Variants in DNAH6 observed in about 807,000 individuals in gnomAD.
DNAH6 encodes the protein dynein axonemal heavy chain 6.
A neutral mutation model predicts 491.4 loss-of-function variants in DNAH6; 340 were observed. The ratio of observed to expected loss-of-function variants is 0.69; its 90% CI spans 0.63 to 0.76. The LOEUF (loss-of-function observed/expected upper bound fraction) is 0.76, where lower values mean the gene tolerates loss of function less well. Among genes scored for constraint, DNAH6 ranks in the 30% least tolerant of loss-of-function variants. DNAH6 has a pLI of 0.00. For synonymous variants in DNAH6, 1,603 were observed against 1,686.1 expected (o/e 0.95, Z 1.21); for missense variants, 4,443 against 4,972.2 (o/e 0.89, Z 3.20).
At chr2:84,552,265 T>G (rs1021073713) in intron 9 of DNAH6, among the ~76,000 whole-genome samples, 2 of 152,146 alleles carry the variant, frequency 1.3e-5, no homozygotes, top group Non-Finnish European at 2.9e-5. Context: ...GCCTACTAGC[T>G]AGTATGATCT....
At position 84,525,668 on chromosome 2, in the gene DNAH6, T is replaced by C; in HGVS notation, c.329T>C (p.Ile110Thr). 1.3e-6 allele frequency: 2 copies of C among 1,550,284 alleles called. No homozygotes were observed. Among genetic ancestry groups the C allele is most frequent in the Non-Finnish European group, 1.7e-6 (2 of 1,146,234 alleles). Residue 110 changes from isoleucine to threonine, a missense_variant, in exon 3 of 77, where the codon ATA (isoleucine) becomes ACA (threonine). Around this residue, in one of 3 missense-constraint regions of DNAH6, gnomAD observed 2,977 missense variants for 3,296.6 expected, o/e 0.90. Transcript: ENST00000389394. ...TAGIIKRPVS[I>T]AKKSFATSST... ...GGAATCATTAAACGTCCAGTAAGCA[T>C]AGCAAAAAAAAGTTTTGCCACATCA...
intron 15 of DNAH6, among the ~76,000 whole-genome samples, chr2:84,585,264 A>G (rs1430387190): frequency 6.6e-6 from 1 of 152,198 alleles, no homozygotes; most frequent in Non-Finnish European, 1.5e-5. Context: ...AAGCATTATG[A>G]TACCCTTAGT....
intron 63 of DNAH6, among the ~76,000 whole-genome samples, chr2:84,758,657 GT>G (rs1388498260): frequency 6.6e-6 from 1 of 152,144 alleles, no homozygotes; most frequent in African/African-American, 2.4e-5. Flanking sequence ...ATCAATAAAT[GT>G]GATACATCAC....
chr2:84,814,213 A>C, intron 75 of DNAH6, 91 bp downstream of exon 75: 2 of 1,336,316 alleles, frequency 1.5e-6, no homozygotes, highest in African/African-American at 1.5e-5. Flanking sequence ...CTCCCCCACC[A>C]CCTCCCATTG....
chr2:84,507,837 G>C, the DNAH6 span, among the ~76,000 whole-genome samples: 7 of 152,186 alleles, frequency 4.6e-5, no homozygotes, highest in Non-Finnish European at 7.4e-5. Context: ...TGTGGTTTTT[G>C]TCTTTGGTTC....
chr2:84,649,783 G>A (rs527717670), intron 33 of DNAH6, among the ~76,000 whole-genome samples: 4 of 152,102 alleles, frequency 2.6e-5, no homozygotes, highest in African/African-American at 9.6e-5. Flanking sequence ...GCAAACTAAC[G>A]CAGGAACAGA....
intron 33 of DNAH6, among the ~76,000 whole-genome samples, chr2:84,652,587 TGTA>T (rs1162722963): frequency 6.6e-6 from 1 of 152,086 alleles, no homozygotes; most frequent in Non-Finnish European, 1.5e-5. Flanking sequence ...TTTTTACAGT[TGTA>T]GATTTCCTGC....
rs753921264 is a variant in DNAH6, at chr2:84,669,359, G to A, written c.6155G>A (p.Arg2052Gln). ...ACCAAACGGCTGGATCCCTGGGAAC[G>A]AATCATACCTACTTTCAAATACAAC... ...FDTKRLDPWE[R>Q]IIPTFKYNRD... The change falls in exon 38 of 77, where the codon CGA (arginine) becomes CAA (glutamine). Residue 2052 changes from arginine (R) to glutamine (Q), a missense_variant. This residue lies in a region of DNAH6 where 2,977 missense variants were observed against 3,296.6 expected (regional missense o/e 0.90). Transcript: ENST00000389394. 62 of 1,547,300 alleles carry A rather than the reference G, an allele frequency of 4.0e-5. No homozygotes were observed. Among genetic ancestry groups the A allele is most frequent in the Admixed American group, 1.4e-4 (7 of 50,904 alleles).
chr2:84,547,333 T>A lies in DNAH6; in HGVS notation c.996T>A (p.Cys332Ter). The A allele has an allele frequency of 2.6e-6, 4 of 1,551,518 alleles. No homozygotes were observed. Among genetic ancestry groups the A allele is most frequent in the Non-Finnish European group, 2.6e-6 (3 of 1,146,848 alleles). The change falls in exon 6 of 77, where the codon TGT (cysteine) becomes TGA (stop). Residue 332 changes from cysteine to a stop codon, truncating the protein, a stop_gained. Coordinates refer to ENST00000389394, the MANE Select transcript of DNAH6 (RefSeq NM_001370.2). LOFTEE classifies it high-confidence loss of function. ...LCYHLSFMGL[C>*]YIEKCHTYTL... The stretch of plus-strand genomic sequence containing the variant: ...ATCATTTGAGTTTTATGGGACTTTG[T>A]TATATTGAAAAGTGTCACACCTACA...
intron 16 of DNAH6, among the ~76,000 whole-genome samples, chr2:84,592,582 G>A (rs1217065612): frequency 2.6e-5 from 4 of 152,116 alleles, no homozygotes; most frequent in Non-Finnish European, 5.9e-5. Context: ...CCATTTATGG[G>A]CATATATCCC....
At chr2:84,518,791 TAAATGAACAA>T (rs1363463924) in intron 2 of DNAH6, among the ~76,000 whole-genome samples, 2 of 152,170 alleles carry the variant, frequency 1.3e-5, no homozygotes, top group African/African-American at 4.8e-5. Flanking sequence ...TAAACAAATA[TAAATGAACAA>T]AAATGAACAA....
At chr2:84,788,591 T>C (rs181214264) in intron 68 of DNAH6, among the ~76,000 whole-genome samples, 2 of 152,292 alleles carry the variant, frequency 1.3e-5, no homozygotes, top group Non-Finnish European at 2.9e-5. Flanking sequence ...TTATAACAAG[T>C]CATTGTGGCA....
Position 84,653,381 on chromosome 2 carries a change from A to G in DNAH6, c.5141A>G (p.Gln1714Arg). 2 of 1,550,562 alleles carry G rather than the reference A, an allele frequency of 1.3e-6. No homozygotes were observed. Among genetic ancestry groups the G allele is most frequent in the Non-Finnish European group, 1.7e-6 (2 of 1,146,252 alleles). Residue 1714 changes from glutamine (Q) to arginine (R), a missense_variant, in exon 34 of 77, where the codon CAA becomes CGA. Transcript: ENST00000389394. ...CCAGAACATGATTATGGTATTTTAC[A>G]ATCAACAATTGTGGATGTCATGAAT... ...QIPEHDYGIL[Q>R]STIVDVMNRQ...
intron 29 of DNAH6, among the ~76,000 whole-genome samples, chr2:84,630,851 C>CA (rs1418950409): frequency 6.6e-6 from 1 of 152,034 alleles, no homozygotes. Flanking sequence ...AAAATAACAA[C>CA]AAAAAATGTT....
intron 2 of DNAH6, among the ~76,000 whole-genome samples, chr2:84,524,125 G>T (rs1047882152): frequency 6.6e-6 from 1 of 151,862 alleles, no homozygotes; most frequent in South Asian, 2.1e-4. Context: ...GAATCTGGGT[G>T]CTCCTGTGTT....
chr2:84,739,128 C>T (rs1050878636), intron 62 of DNAH6, among the ~76,000 whole-genome samples: 4 of 152,190 alleles, frequency 2.6e-5, no homozygotes, highest in African/African-American at 7.2e-5. Context: ...TCTTGGCTGA[C>T]ATTTATTATC....
At chr2:84,591,663 G>A (rs1362498493) in intron 16 of DNAH6, among the ~76,000 whole-genome samples, 1 of 152,010 alleles carries the variant, frequency 6.6e-6, no homozygotes, top group Non-Finnish European at 1.5e-5. Flanking sequence ...ACAATCTTGA[G>A]AAATAGGAAA....
chr2:84,544,266 C>T lies in DNAH6; in HGVS notation c.696C>T (p.Asp232=), dbSNP rs1558688443. The change falls in exon 5 of 77, where the codon GAC becomes GAT. Residue 232 remains aspartate, a synonymous_variant. Coordinates refer to ENST00000389394, the MANE Select transcript of DNAH6 (RefSeq NM_001370.2). ...GTTATGAGAACATCAATAAAAATGA[C>T]TACTATACTATTAGCCAAAGGGCAG... ...VVSYENINKN[D]YYTISQRAVT... is the part of the protein sequence containing the mutation. 4.0e-6 allele frequency: 6 copies of T among 1,500,310 alleles called. No individual in the cohort carries two copies. Among genetic ancestry groups the T allele is most frequent in the Non-Finnish European group, 9.1e-7 (1 of 1,101,866 alleles). 92.9% of individuals were successfully genotyped at this position (1,500,310 alleles called of 1,614,324 possible). A position where few individuals can be genotyped will look rare whatever the true frequency, so the allele number is the denominator to read the frequency against.
chr2:84,692,931 A>C (rs1695017422), intron 45 of DNAH6, among the ~76,000 whole-genome samples: 1 of 152,248 alleles, frequency 6.6e-6, no homozygotes, highest in Non-Finnish European at 1.5e-5. Flanking sequence ...TGCATTAGAT[A>C]ATCATAAACT....
Sources: allele counts gnomAD v4.1 joint callset (sites outside exome capture counted in the v4.1 genomes callset), GRCh38; gene constraint gnomAD v4.1.1; regional missense constraint gnomAD v4.1.1; transcripts MANE v1.5; gene names NCBI Gene and HGNC (gene_info 2026-07-23, HGNC 2026-07-21).